Variants in RTN4RL1 observed in about 807,000 individuals in gnomAD.
The protein encoded by RTN4RL1 is reticulon 4 receptor like 1, also known as reticulon-4 receptor-like 1.
Under a neutral mutation model 25.6 loss-of-function variants are expected in RTN4RL1, and 7 were observed. The observed-to-expected ratio is 0.27, with a 90% CI of 0.16 to 0.51. RTN4RL1 has a LOEUF of 0.51. RTN4RL1 is among the 20% of genes least tolerant of loss of function. RTN4RL1 has a pLI of 0.97. For synonymous variants in RTN4RL1, 297 were observed against 288.2 expected (o/e 1.03, Z -0.31); for missense variants, 500 against 615.6 (o/e 0.81, Z 1.99).
At chr17:1,949,119 G>A (rs1915624383) in intron 1 of RTN4RL1, among the ~76,000 whole-genome samples, 1 of 151,824 alleles carries the variant, frequency 6.6e-6, no homozygotes, top group Non-Finnish European at 1.5e-5. Flanking sequence ...ACGACACCTG[G>A]CTAATTTTTT....
chr17:1,978,733 G>A (rs145300075), intron 1 of RTN4RL1, among the ~76,000 whole-genome samples: 89 of 152,344 alleles, frequency 5.8e-4, no homozygotes, highest in Non-Finnish European at 1.1e-3. Flanking sequence ...TCAGCTCAGA[G>A]AAAGAAATGG....
At chr17:1,951,386 G>A (rs934815267) in intron 1 of RTN4RL1, among the ~76,000 whole-genome samples, 8 of 152,312 alleles carry the variant, frequency 5.3e-5, no homozygotes, top group African/African-American at 1.9e-4. Context: ...GGAACCGCCA[G>A]TAAGGTGAGA....
intron 1 of RTN4RL1, among the ~76,000 whole-genome samples, 197 bp from the exon 2 acceptor site, chr17:1,938,005 C>T (rs961586574): frequency 6.6e-5 from 10 of 152,218 alleles, no homozygotes; most frequent in African/African-American, 1.9e-4. Flanking sequence ...TCCTTGGTGA[C>T]CCACTTCTGC....
rs113234868 is a variant in RTN4RL1, at chr17:2,002,332, G to A, written c.13+22521C>T. On this transcript the variant is annotated intron_variant, in intron 1 of 1. Transcript: ENST00000331238. ...TTTTGAGACGGAGTCTTGCTCTGTC[G>A]CCCAGGCTGGAGTGCAGTGGCGCGA... Among the ~76,000 whole-genome samples the A allele has an allele frequency of 5.9e-3, 826 of 140,962 alleles. 11 individuals are homozygous for A. The highest frequency in any genetic ancestry group is 0.021 in the African/African-American group (784 of 37,618). The allele number at this position is 140,962 out of a possible 152,430, so 92.5% of individuals were successfully genotyped here.
At chr17:1,992,421 G>A (rs1043138617) in intron 1 of RTN4RL1, among the ~76,000 whole-genome samples, 6 of 151,650 alleles carry the variant, frequency 4.0e-5, no homozygotes, top group Admixed American at 2.0e-4. Context: ...GGTTCAGAGA[G>A]AACCAACTTG....
At chr17:1,937,992 C>G (rs1469324155) in intron 1 of RTN4RL1, among the ~76,000 whole-genome samples, 184 bp from the exon 2 acceptor site, 1 of 152,224 alleles carries the variant, frequency 6.6e-6, no homozygotes, top group Non-Finnish European at 1.5e-5. Flanking sequence ...GAGAGGCCTC[C>G]CCTCCTTGGT....
At chr17:1,951,637 G>A (rs1915682480) in intron 1 of RTN4RL1, among the ~76,000 whole-genome samples, 1 of 152,110 alleles carries the variant, frequency 6.6e-6, no homozygotes, top group Non-Finnish European at 1.5e-5. Flanking sequence ...TTTTAGTAGA[G>A]ATGGGGTTTC....
At position 1,994,660 on chromosome 17, in the gene RTN4RL1, G is replaced by T. The variant is rs563469616; in HGVS notation, c.13+30193C>A. Among the ~76,000 whole-genome samples, 96 of 152,244 alleles carry T rather than the reference G, an allele frequency of 6.3e-4. No individual in the cohort carries two copies. The highest frequency in any genetic ancestry group is 1.2e-3 in the Non-Finnish European group (84 of 68,030). Reference sequence around the variant, plus strand: ...AGGCCTGGATTCCAATCCCAGCTCCGCCACTGACAGGCCCGGTGACCTCGG... The same window carrying T: ...AGGCCTGGATTCCAATCCCAGCTCCTCCACTGACAGGCCCGGTGACCTCGG... On this transcript the variant is annotated intron_variant, in intron 1 of 1. Coordinates refer to ENST00000331238, the MANE Select transcript of RTN4RL1 (RefSeq NM_178568.4). The surrounding 1 kb of genome is among the most constrained non-coding windows in gnomAD (Gnocchi z 4.3).
chr17:2,002,482 T>G (rs929366689), intron 1 of RTN4RL1, among the ~76,000 whole-genome samples: 1 of 150,336 alleles, frequency 6.7e-6, no homozygotes, highest in Non-Finnish European at 1.5e-5. Flanking sequence ...TTAGTACAGA[T>G]GGGGTTTCAC....
chr17:1,964,453 T>C lies in RTN4RL1; in HGVS notation c.14-26645A>G, dbSNP rs560744984. 4.7e-4 allele frequency among the ~76,000 whole-genome samples: 72 copies of C among 151,748 alleles called. 1 individual carries two copies. Among genetic ancestry groups the C allele is most frequent in the Admixed American group, 1.8e-3 (28 of 15,222 alleles). On this transcript the variant is annotated intron_variant, in intron 1 of 1. Coordinates refer to ENST00000331238, the MANE Select transcript of RTN4RL1 (RefSeq NM_178568.4). ...AAAATTTAAAAATTAGCCACACAGGTCGGGTGTGGTGGCTCACGCCTGTTA... is the reference window on the plus strand; with the variant it reads ...AAAATTTAAAAATTAGCCACACAGGCCGGGTGTGGTGGCTCACGCCTGTTA...
chr17:1,936,202 T>G lies in RTN4RL1; in HGVS notation c.*294A>C. ...GGGGCAATTGTCCCACTGTTGCCAG[T>G]GGAGGATGCACTTGGAGTGCCTTTT... On this transcript the variant is annotated 3_prime_UTR_variant, in exon 2 of 2. Transcript: ENST00000331238. 1 of 1,229,162 alleles carries G rather than the reference T, an allele frequency of 8.1e-7. No homozygotes were observed. The highest frequency in any genetic ancestry group is 1.0e-6 in the Non-Finnish European group (1 of 983,052). 76.1% of individuals were successfully genotyped at this position (1,229,162 alleles called of 1,614,324 possible). A position where few individuals can be genotyped will look rare whatever the true frequency, so the allele number is the denominator to read the frequency against.
At position 1,998,351 on chromosome 17, in the gene RTN4RL1, C is replaced by G. The variant is rs2066939553; in HGVS notation, c.13+26502G>C. ...GGCCCCGCCCGGGAGGGTCTTCTCG[C>G]TCTAGAGCCGGGGGCCCGCGCTGAG... On this transcript the variant is annotated intron_variant, in intron 1 of 1. Coordinates refer to ENST00000331238, the MANE Select transcript of RTN4RL1 (RefSeq NM_178568.4). This position sits in a 1 kb window ranked among gnomAD's most constrained non-coding sequence, Gnocchi z 4.9. Among the ~76,000 whole-genome samples the G allele has an allele frequency of 6.6e-6, 1 of 152,136 alleles. No individual in the cohort carries two copies. The highest frequency in any genetic ancestry group is 1.5e-5 in the Non-Finnish European group (1 of 67,992).
At chr17:1,999,508 G>C (rs977110158) in intron 1 of RTN4RL1, among the ~76,000 whole-genome samples, 1 of 151,816 alleles carries the variant, frequency 6.6e-6, no homozygotes, top group African/African-American at 2.4e-5. Flanking sequence ...CCACGTATGT[G>C]CACATGCAGC....
At chr17:1,964,747 T>G (rs2066781587) in intron 1 of RTN4RL1, among the ~76,000 whole-genome samples, 1 of 151,632 alleles carries the variant, frequency 6.6e-6, no homozygotes, top group South Asian at 2.1e-4. Context: ...AAAAATTTTT[T>G]TAATTAATTT....
chr17:1,935,219 A>G lies in RTN4RL1; in HGVS notation c.*1277T>C, dbSNP rs545994352. On this transcript the variant is annotated 3_prime_UTR_variant, in exon 2 of 2. Transcript: ENST00000331238. ...ACGACACGGTCCGACCCTTTGGACT[A>G]ACACTGTGGATGCTGCCTGGCCTGC... 7.2e-5 allele frequency: 11 copies of G among 152,842 alleles called. No homozygotes were observed. Among genetic ancestry groups the G allele is most frequent in the Non-Finnish European group, 1.5e-5 (1 of 68,196 alleles). The allele number at this position is 152,842 out of a possible 1,614,324, so 9.5% of individuals were successfully genotyped here.
chr17:1,970,071 G>T (rs2066811664), intron 1 of RTN4RL1, among the ~76,000 whole-genome samples: 1 of 150,436 alleles, frequency 6.6e-6, no homozygotes, highest in African/African-American at 2.5e-5. Context: ...GTCTAGGCTG[G>T]AGTGCAATGG....
chr17:1,975,620 C>T (rs1413104858), intron 1 of RTN4RL1, among the ~76,000 whole-genome samples: 1 of 152,056 alleles, frequency 6.6e-6, no homozygotes, highest in Non-Finnish European at 1.5e-5. Flanking sequence ...CACTGCACTC[C>T]AGCCTGGGCA....
At chr17:1,982,070 C>T (rs2066869423) in intron 1 of RTN4RL1, among the ~76,000 whole-genome samples, 1 of 152,144 alleles carries the variant, frequency 6.6e-6, no homozygotes. Flanking sequence ...GAGGCCGAGG[C>T]GGGTGGATCA....
At chr17:1,967,363 C>T (rs1009200468) in intron 1 of RTN4RL1, among the ~76,000 whole-genome samples, 2 of 152,120 alleles carry the variant, frequency 1.3e-5, no homozygotes, top group Non-Finnish European at 2.9e-5. Context: ...TAGATGGCCC[C>T]CTCAGCATCC....
Sources: allele counts gnomAD v4.1 joint callset (sites outside exome capture counted in the v4.1 genomes callset), GRCh38; gene constraint gnomAD v4.1.1; non-coding constraint Gnocchi (gnomAD v3.1); transcripts MANE v1.5; gene names NCBI Gene and HGNC (gene_info 2026-07-23, HGNC 2026-07-21).